PSMD1: variants seen among roughly 807,000 people sequenced by gnomAD.
PSMD1 encodes the protein proteasome 26S subunit, non-ATPase 1.
A neutral mutation model predicts 119.0 loss-of-function variants in PSMD1; 18 were observed. The observed-to-expected ratio is 0.15, with a 90% CI of 0.10 to 0.22. The LOEUF is 0.22. Among genes scored for constraint, PSMD1 ranks in the 10% least tolerant of loss-of-function variants. The pLI is 1.00. For synonymous variants in PSMD1, 374 were observed against 396.6 expected, an observed-to-expected ratio of 0.94 and a Z score of 0.68; for missense variants, 702 against 1,158.5, an observed-to-expected ratio of 0.61 and a Z score of 5.72.
intron 1 of PSMD1, among the ~76,000 whole-genome samples, chr2:231,058,460 G>C (rs1325610779): frequency 6.6e-6 from 1 of 151,398 alleles, no homozygotes; most frequent in Non-Finnish European, 1.5e-5. Flanking sequence ...CCAACCCTTT[G>C]AATTCGAGGA....
chr2:231,073,446 C>T (rs1362556204), intron 7 of PSMD1, among the ~76,000 whole-genome samples: 1 of 152,112 alleles, frequency 6.6e-6, no homozygotes, highest in Non-Finnish European at 1.5e-5. Flanking sequence ...CTAAGTCTTG[C>T]AGTCAGGTAT....
At chr2:231,102,717 A>G (rs1341032150) in intron 16 of PSMD1, among the ~76,000 whole-genome samples, 1 of 151,944 alleles carries the variant, frequency 6.6e-6, no homozygotes, top group Non-Finnish European at 1.5e-5. Context: ...GAAGAGGTGG[A>G]GGAGGTAGAA....
At chr2:231,078,768 T>A in intron 10 of PSMD1, 21 bp downstream of exon 10, 3 of 1,380,444 alleles carry the variant, frequency 2.2e-6, no homozygotes, top group Non-Finnish European at 3.0e-6. Flanking sequence ...TTGTTGATTT[T>A]CACTTTGGTT....
chr2:231,109,140 A>G, intron 16 of PSMD1: 2 of 1,614,128 alleles, frequency 1.2e-6, no homozygotes, highest in Non-Finnish European at 1.7e-6. Flanking sequence ...GGTGACGAGC[A>G]AGGTGTTTCA....
chr2:231,057,167 A>G, intron 1 of PSMD1, 126 bp downstream of exon 1: 1 of 1,198,710 alleles, frequency 8.3e-7, no homozygotes, highest in Non-Finnish European at 1.1e-6. Context: ...CTTGCTGCCC[A>G]GGGCCCACCC....
intron 14 of PSMD1, 120 bp from the exon 15 acceptor site, chr2:231,084,899 T>C (rs1694394319): frequency 1.4e-6 from 1 of 723,844 alleles, no homozygotes; most frequent in Non-Finnish European, 2.4e-6. Context: ...AAAAGAGTTA[T>C]TGAGCTCATC....
chr2:231,151,532 T>C (rs186635025), intron 18 of PSMD1, among the ~76,000 whole-genome samples: 13 of 152,318 alleles, frequency 8.5e-5, no homozygotes, highest in African/African-American at 3.1e-4. Flanking sequence ...ATAAGCCTAT[T>C]GTATAGTTGG....
Position 231,104,464 on chromosome 2 carries a change from A to C in PSMD1, c.1883+17283A>C, listed in dbSNP as rs535220400. 4.9e-4 allele frequency among the ~76,000 whole-genome samples: 74 copies of C among 152,264 alleles called. 1 individual carries two copies. Among genetic ancestry groups the C allele is most frequent in the South Asian group, 6.2e-4 (3 of 4,828 alleles). On this transcript the variant is annotated intron_variant, in intron 16 of 24. Transcript: ENST00000308696. ...ATCTTTAAGAAGTGGGAACTGGAAA[A>C]ATTTTGTCTAAAATTTATTTTATAA...
chr2:231,122,497 CA>C (rs1162402565), intron 16 of PSMD1, among the ~76,000 whole-genome samples: 1 of 152,032 alleles, frequency 6.6e-6, no homozygotes, highest in African/African-American at 2.4e-5. Flanking sequence ...TTTGCTTAGG[CA>C]GTTTATGAAT....
chr2:231,087,886 T>G (rs942455391), intron 16 of PSMD1, among the ~76,000 whole-genome samples: 2 of 151,670 alleles, frequency 1.3e-5, no homozygotes, highest in Non-Finnish European at 2.9e-5. Flanking sequence ...CGCTTGAATC[T>G]GGGAGGCAGA....
At position 231,161,469 on chromosome 2, in the gene PSMD1, A is replaced by T. The variant is rs761615648; in HGVS notation, c.2348A>T (p.Tyr783Phe). The stretch of plus-strand genomic sequence containing the variant: ...CTTTCACACTTCCTGTCATTGGCTT[A>T]TACCCCTACCTGTGTCATTGGCCTT... Reference protein sequence around the residue: ...FPLSHFLSLAYTPTCVIGLNK... With the variant: ...FPLSHFLSLAFTPTCVIGLNK... The change falls in exon 20 of 25, where the codon TAT becomes TTT. Residue 783 changes from tyrosine to phenylalanine, a missense_variant. Physicochemically the swap from Tyr to Phe is conservative, Grantham distance 22. Coordinates refer to ENST00000308696, the MANE Select transcript of PSMD1 (RefSeq NM_002807.4). The T allele has an allele frequency of 6.2e-7, 1 of 1,614,064 alleles. No individual in the cohort carries two copies.
At chr2:231,154,018 C>T (rs1025287450) in intron 19 of PSMD1, among the ~76,000 whole-genome samples, 46 of 152,056 alleles carry the variant, frequency 3.0e-4, no homozygotes, top group African/African-American at 1.0e-3. Context: ...GAGGCTGAGG[C>T]AGGAGTATCA....
chr2:231,133,689 A>G (rs1025917313), intron 16 of PSMD1: 11 of 152,214 alleles, frequency 7.2e-5, no homozygotes, highest in African/African-American at 2.4e-4. Flanking sequence ...GTTTCTGCCT[A>G]TCTATGTATA....
intron 16 of PSMD1, among the ~76,000 whole-genome samples, chr2:231,091,726 A>G (rs1349800722): frequency 1.9e-5 from 1 of 52,828 alleles, no homozygotes; most frequent in Admixed American, 2.1e-4. Flanking sequence ...GTGTAGATCT[A>G]CGGTGTTTAG....
chr2:231,154,126 A>T (rs1574773805), intron 19 of PSMD1, among the ~76,000 whole-genome samples: 2 of 151,134 alleles, frequency 1.3e-5, no homozygotes, highest in African/African-American at 4.9e-5. Context: ...AAAACAAAAA[A>T]ACCAAAAAAA....
At chr2:231,062,753 G>C (rs1419406412) in intron 4 of PSMD1, 78 bp downstream of exon 4, 30 of 1,202,438 alleles carry the variant, frequency 2.5e-5, no homozygotes, top group Non-Finnish European at 5.5e-6. Flanking sequence ...CTTTTTTCCT[G>C]AATTTGATGT....
Position 231,100,229 on chromosome 2 carries a change from C to A in PSMD1, c.1883+13048C>A, listed in dbSNP as rs925742795. 2.6e-5 allele frequency among the ~76,000 whole-genome samples: 4 copies of A among 151,932 alleles called. 1 individual carries two copies. The highest frequency in any genetic ancestry group is 5.9e-5 in the Non-Finnish European group (4 of 67,970). On this transcript the variant is annotated intron_variant, in intron 16 of 24. Transcript: ENST00000308696. ...TCAAATATAAAATTTTTTTTTAATT[C>A]TCAGCAAGGCAAGTTACTTCTATAG...
In PSMD1 at chr2:231,109,073, C is replaced by T. The variant is rs1559233575; in HGVS notation, c.1883+21892C>T. On this transcript the variant is annotated intron_variant, in intron 16 of 24. Transcript: ENST00000308696. ...TGTTCTTCGCATAAGTGTTTCATCACCTGAGTTGGGCAGAGCCTTGTCCTT... is the reference window on the plus strand; with the variant it reads ...TGTTCTTCGCATAAGTGTTTCATCATCTGAGTTGGGCAGAGCCTTGTCCTT... 3.1e-6 allele frequency: 5 copies of T among 1,614,104 alleles called. No individual in the cohort carries two copies. The Admixed American group carries it at 5.0e-5, about 16-fold the overall frequency.
At chr2:231,071,053 A>AT (rs994479151) in intron 6 of PSMD1, among the ~76,000 whole-genome samples, 2 of 152,042 alleles carry the variant, frequency 1.3e-5, no homozygotes. Context: ...TTCTAACTTG[A>AT]TTTTTTACAT....
Sources: allele counts gnomAD v4.1 joint callset (sites outside exome capture counted in the v4.1 genomes callset), GRCh38; gene constraint gnomAD v4.1.1; transcripts MANE v1.5; gene names NCBI Gene and HGNC (gene_info 2026-07-23, HGNC 2026-07-21).